RASGEF1A: variants seen among roughly 807,000 people sequenced by gnomAD.
The protein encoded by RASGEF1A is RasGEF domain family member 1A, also known as ras-GEF domain-containing family member 1A.
A neutral mutation model predicts 56.4 loss-of-function variants in RASGEF1A; 18 were observed. That is an observed-to-expected ratio of 0.32 (90% CI 0.22 to 0.47). The LOEUF (loss-of-function observed/expected upper bound fraction) is 0.47. Ranked by LOEUF, RASGEF1A falls within the 20% of genes least tolerant of loss-of-function variation. The probability of loss-of-function intolerance (pLI) is 1.00; values close to 1 mark genes in which losing one functional copy is unlikely to be tolerated. For missense variants in RASGEF1A, 422 were observed against 627.1 expected, an observed-to-expected ratio of 0.67 and a Z score of 3.49; for synonymous variants, 245 against 242.6, an observed-to-expected ratio of 1.01 and a Z score of -0.09.
At position 43,225,477 on chromosome 10, in the gene RASGEF1A, G is replaced by A. The variant is rs569400322; in HGVS notation, c.-6-19355C>T. Among the ~76,000 whole-genome samples the A allele has an allele frequency of 1.1e-3, 165 of 151,286 alleles. No individual in the cohort carries two copies. In the South Asian group the frequency reaches 0.014, roughly 13 times the overall value. On this transcript the variant is annotated intron_variant, in intron 1 of 12. Coordinates refer to ENST00000395810, the MANE Select transcript of RASGEF1A (RefSeq NM_145313.4). ...TGTGTCTCTGTGTCTGTGTGCCTGC[G>A]TGTCTCTGTGTCTGTGTCTCTGCAT...
rs932992539 is a variant in RASGEF1A at position 43,205,961 on chromosome 10, G to A, written c.156C>T (p.Ala52=). 6 of 1,613,172 alleles carry A rather than the reference G, an allele frequency of 3.7e-6. No homozygotes were observed. The highest frequency in any genetic ancestry group is 5.1e-6 in the Non-Finnish European group (6 of 1,180,006). The change falls in exon 2 of 13, where the codon GCC becomes GCT. Residue 52 remains alanine, a synonymous_variant. Transcript: ENST00000395810. ...DGHLISGSLE[A]LMEHLVPTVD... is the part of the protein sequence containing the mutation. ...CCGTGGGAACAAGGTGCTCCATCAG[G>A]GCCTCCAGGGACCCAGAGATGAGGT...
Position 43,196,811 on chromosome 10 carries a change from TC to T in RASGEF1A, c.1348+164del, listed in dbSNP as rs1247687373. ...GTCTCTTGTCCTTCTCTTCCATCCA[TC>T]CCATGACCCACCCTCATGCACACTC... On this transcript the variant is annotated intron_variant, in intron 11 of 12. Coordinates refer to ENST00000395810, the MANE Select transcript of RASGEF1A (RefSeq NM_145313.4). The surrounding 1 kb of genome is among the most constrained non-coding windows in gnomAD (Gnocchi z 4.6). Among the ~76,000 whole-genome samples the T allele has an allele frequency of 6.6e-6, 1 of 152,050 alleles. No homozygotes were observed. The highest frequency in any genetic ancestry group is 6.6e-5 in the Admixed American group (1 of 15,266).
At position 43,198,164 on chromosome 10, in the gene RASGEF1A, T is replaced by C; in HGVS notation, c.1064A>G (p.Asn355Ser). ...HHMDPSSNFC[N>S]YRTALQGATQ... ...GGCCCCCTGCAGGGCTGTACGGTAG[T>C]TGCAGAAGTTGCTGGACGGGTCCAT... Residue 355 changes from asparagine to serine, a missense_variant, in exon 10 of 13, where the codon AAC (asparagine) becomes AGC (serine). Physicochemically the swap from Asn to Ser is conservative, Grantham distance 46. Coordinates refer to ENST00000395810, the MANE Select transcript of RASGEF1A (RefSeq NM_145313.4). 2 of 1,613,332 alleles carry C rather than the reference T, an allele frequency of 1.2e-6. No homozygotes were observed. The highest frequency in any genetic ancestry group is 8.5e-7 in the Non-Finnish European group (1 of 1,179,382).
At chr10:43,234,998 C>T (rs1840412905) in intron 1 of RASGEF1A, among the ~76,000 whole-genome samples, 1 of 152,222 alleles carries the variant, frequency 6.6e-6, no homozygotes, top group African/African-American at 2.4e-5. Context: ...CAAAACCACA[C>T]CTAAACACAC....
intron 1 of RASGEF1A, among the ~76,000 whole-genome samples, chr10:43,221,785 G>A (rs1009723117): frequency 7.9e-5 from 12 of 152,222 alleles, no homozygotes; most frequent in African/African-American, 2.9e-4. Flanking sequence ...GTAGGCAGAG[G>A]GCCTCCCACC....
intron 1 of RASGEF1A, among the ~76,000 whole-genome samples, chr10:43,228,911 T>G (rs746459735): frequency 1.3e-5 from 2 of 152,226 alleles, no homozygotes; most frequent in Non-Finnish European, 2.9e-5. Context: ...GTCCTGCATC[T>G]TTCACGTGGC....
At chr10:43,227,492 C>G (rs1840296343) in intron 1 of RASGEF1A, among the ~76,000 whole-genome samples, 1 of 152,216 alleles carries the variant, frequency 6.6e-6, no homozygotes, top group East Asian at 1.9e-4. Context: ...CTCATCCCAC[C>G]TCTCCTGGGG....
chr10:43,202,052 G>A, intron 3 of RASGEF1A, 107 bp from the exon 4 acceptor site: 1 of 1,246,044 alleles, frequency 8.0e-7, no homozygotes, highest in Non-Finnish European at 1.1e-6. Flanking sequence ...CAGGCCCTGT[G>A]CTGGGCACAG....
At chr10:43,243,013 C>T (rs1189646103) in intron 1 of RASGEF1A, among the ~76,000 whole-genome samples, 1 of 147,918 alleles carries the variant, frequency 6.8e-6, no homozygotes, top group African/African-American at 2.5e-5. Context: ...TGTGAGGAGC[C>T]CCTCTGCCCG....
chr10:43,208,755 C>T (rs560732237), intron 1 of RASGEF1A: 36 of 985,598 alleles, frequency 3.7e-5, no homozygotes, highest in Admixed American at 3.1e-4. Context: ...CCCCTACCCC[C>T]GAAAGCTCAA....
intron 1 of RASGEF1A, among the ~76,000 whole-genome samples, chr10:43,239,415 T>C (rs1331074661): frequency 1.3e-5 from 2 of 152,060 alleles, no homozygotes; most frequent in Non-Finnish European, 2.9e-5. Context: ...CCAAAAACCC[T>C]CTCTTCCATA....
chr10:43,199,313 G>A, intron 7 of RASGEF1A, 119 bp from the exon 8 acceptor site: 1 of 757,290 alleles, frequency 1.3e-6, no homozygotes, highest in South Asian at 1.5e-5. Context: ...GGCCACAGCG[G>A]GCTGATCCAG....
chr10:43,221,254 A>T (rs1840203699), intron 1 of RASGEF1A, among the ~76,000 whole-genome samples: 1 of 152,188 alleles, frequency 6.6e-6, no homozygotes, highest in South Asian at 2.1e-4. Flanking sequence ...ATATATTTGC[A>T]TGATTGTTGG....
chr10:43,203,290 C>A lies in RASGEF1A; in HGVS notation c.321+8G>T. The A allele has an allele frequency of 6.4e-7, 1 of 1,551,428 alleles. No homozygotes were observed. Among genetic ancestry groups the A allele is most frequent in the African/African-American group, 1.4e-5 (1 of 73,334 alleles). ...CCCCGCCCGTGCCCCAGCCAGGCCC[C>A]GCCTCACCTTTTCAGGCCCGGCTTC... On this transcript the variant is annotated splice_region_variant and intron_variant, in intron 3 of 12. Transcript: ENST00000395810.
chr10:43,215,889 G>T (rs1213050367), intron 1 of RASGEF1A, among the ~76,000 whole-genome samples: 1 of 152,234 alleles, frequency 6.6e-6, no homozygotes, highest in East Asian at 1.9e-4. Context: ...TGCCTGGGCG[G>T]TGAGGTTGGC....
intron 1 of RASGEF1A, among the ~76,000 whole-genome samples, chr10:43,253,908 T>C (rs1207394927): frequency 6.6e-6 from 1 of 152,198 alleles, no homozygotes; most frequent in Non-Finnish European, 1.5e-5. Flanking sequence ...CCACCCTGCT[T>C]TGAGCACCAG....
At chr10:43,244,047 GTTC>G (rs1272770122) in intron 1 of RASGEF1A, among the ~76,000 whole-genome samples, 2 of 152,210 alleles carry the variant, frequency 1.3e-5, no homozygotes, top group Admixed American at 6.5e-5. Context: ...ACTAAGAAAA[GTTC>G]TTCTGCCTTG....
rs908307708 is a variant in RASGEF1A, at chr10:43,194,892, C to T, written c.*1352G>A. On this transcript the variant is annotated 3_prime_UTR_variant, in exon 13 of 13. Transcript: ENST00000395810. ...CTCAGAAAGTGCAAACACACTGTGA[C>T]AATACAGTGGAACTATTCCTGCTCC... 8 of 152,812 alleles carry T rather than the reference C, an allele frequency of 5.2e-5. No individual in the cohort carries two copies. Among genetic ancestry groups the T allele is most frequent in the Admixed American group, 3.3e-4 (5 of 15,306 alleles). The allele number at this position is 152,812 out of a possible 1,614,324, so 9.5% of individuals were successfully genotyped here. A position where few individuals can be genotyped will look rare whatever the true frequency, so the allele number is the denominator to read the frequency against.
chr10:43,255,931 C>A (rs948705679), intron 1 of RASGEF1A, among the ~76,000 whole-genome samples: 1 of 152,204 alleles, frequency 6.6e-6, no homozygotes, highest in African/African-American at 2.4e-5. Context: ...GTGGTCTGGG[C>A]TTCTCCGATG....
Sources: allele counts gnomAD v4.1 joint callset (sites outside exome capture counted in the v4.1 genomes callset), GRCh38; gene constraint gnomAD v4.1.1; non-coding constraint Gnocchi (gnomAD v3.1); transcripts MANE v1.5; gene names NCBI Gene and HGNC (gene_info 2026-07-23, HGNC 2026-07-21).